The following ARHGAP6 variants were observed in gnomAD, a reference collection of about 807,000 sequenced individuals.
The protein encoded by ARHGAP6 is rho GTPase-activating protein 6.
In ARHGAP6, 16 loss-of-function variants were observed where a neutral mutation model predicts 55.7. That is an observed-to-expected ratio of 0.29 (90% CI 0.19 to 0.44). The LOEUF (loss-of-function observed/expected upper bound fraction) is 0.44. Ranked by LOEUF, ARHGAP6 falls within the 20% of genes least tolerant of loss-of-function variation. The pLI is 1.00. For synonymous variants in ARHGAP6, 382 were observed against 360.9 expected, an observed-to-expected ratio of 1.06 and a Z score of -0.66; for missense variants, 698 against 808.9, an observed-to-expected ratio of 0.86 and a Z score of 1.66.
intron 10 of ARHGAP6, among the ~76,000 whole-genome samples, chrX:11,152,855 C>T (rs2045803094): frequency 8.9e-6 from 1 of 111,977 alleles, no homozygotes; most frequent in Non-Finnish European, 1.9e-5. Flanking sequence ...ATGCAAGAGA[C>T]TTTAAACAAA....
intron 1 of ARHGAP6, among the ~76,000 whole-genome samples, chrX:11,458,677 G>C (rs896009843): frequency 8.9e-6 from 1 of 111,845 alleles, no homozygotes; most frequent in Non-Finnish European, 1.9e-5. Flanking sequence ...TTAGGCCACA[G>C]GTTCCAATTT....
intron 1 of ARHGAP6, among the ~76,000 whole-genome samples, chrX:11,635,702 TTAAA>T (rs1327555040): frequency 9.0e-6 from 1 of 111,482 alleles, no homozygotes; most frequent in African/African-American, 3.3e-5. Context: ...AGAAATCTCT[TTAAA>T]TAACCAGCAT....
chrX:11,201,121 A>G (rs2046613300), intron 2 of ARHGAP6, among the ~76,000 whole-genome samples: 1 of 112,320 alleles, frequency 8.9e-6, no homozygotes, highest in Admixed American at 9.4e-5. Flanking sequence ...AATGAAAGTA[A>G]TAACAAAAGA....
At chrX:11,294,511 G>A (rs955521380) in intron 1 of ARHGAP6, among the ~76,000 whole-genome samples, 3 of 111,845 alleles carry the variant, frequency 2.7e-5, no homozygotes, top group Non-Finnish European at 5.6e-5. Flanking sequence ...GGCATGCAAA[G>A]TCATATGAAG....
rs151146312 is a variant in ARHGAP6 at position 11,393,681 on chromosome X, T to C, written c.589-138974A>G. On this transcript the variant is annotated intron_variant, in intron 1 of 12. Coordinates refer to ENST00000337414, the MANE Select transcript of ARHGAP6 (RefSeq NM_013427.3). ...AATGATTCTCTGAGGTAGTGTGTAG[T>C]ATTATTTCATAATCTAGGAAATCAA... Among the ~76,000 whole-genome samples, 3 of 111,518 alleles carry C rather than the reference T, an allele frequency of 2.7e-5. No individual in the cohort carries two copies. The East Asian group carries it at 8.4e-4, about 31-fold the overall frequency.
chrX:11,430,269 C>T (rs1342064627), intron 1 of ARHGAP6, among the ~76,000 whole-genome samples: 3 of 112,290 alleles, frequency 2.7e-5, no homozygotes, highest in African/African-American at 9.7e-5. Context: ...CTCCATCAGC[C>T]CCACACTGTG....
intron 1 of ARHGAP6, among the ~76,000 whole-genome samples, chrX:11,531,850 A>G (rs755189202): frequency 2.7e-5 from 3 of 112,601 alleles, no homozygotes; most frequent in Non-Finnish European, 5.6e-5. Flanking sequence ...TTATTAGCTC[A>G]GTACACTTAT....
chrX:11,216,566 T>C (rs1174205888), intron 2 of ARHGAP6, among the ~76,000 whole-genome samples: 1 of 111,957 alleles, frequency 8.9e-6, no homozygotes, highest in African/African-American at 3.2e-5. Context: ...GGCATGAGAA[T>C]TGCTTGAATC....
At chrX:11,154,744 A>G (rs1408748698) in intron 10 of ARHGAP6, among the ~76,000 whole-genome samples, 1 of 112,452 alleles carries the variant, frequency 8.9e-6, no homozygotes, top group Non-Finnish European at 1.9e-5. Flanking sequence ...TGATCTGCTG[A>G]AAAGAAAAGC....
chrX:11,177,195 A>G (rs1464586736), intron 8 of ARHGAP6, among the ~76,000 whole-genome samples: 1 of 111,408 alleles, frequency 9.0e-6, no homozygotes, highest in Non-Finnish European at 1.9e-5. Context: ...CATGGTATCA[A>G]AGAGGGAAGG....
chrX:11,437,625 G>A (rs374405204), intron 1 of ARHGAP6, among the ~76,000 whole-genome samples: 3 of 112,239 alleles, frequency 2.7e-5, no homozygotes, highest in African/African-American at 9.7e-5. Flanking sequence ...CTGGTCCTGA[G>A]GGAAGCTCTG....
At chrX:11,266,213 CTT>C (rs2047626578) in intron 1 of ARHGAP6, among the ~76,000 whole-genome samples, 1 of 110,456 alleles carries the variant, frequency 9.1e-6, no homozygotes, top group South Asian at 3.9e-4. Context: ...AAAAAATCCT[CTT>C]TTCCACAGGG....
chrX:11,498,148 A>C (rs2050642038), intron 1 of ARHGAP6, among the ~76,000 whole-genome samples: 1 of 111,681 alleles, frequency 9.0e-6, no homozygotes, highest in African/African-American at 3.3e-5. Flanking sequence ...TATTCTCATA[A>C]GGGTATGTTC....
At chrX:11,188,576 T>G (rs2046415168) in intron 4 of ARHGAP6, 152 bp downstream of exon 4, 2 of 816,857 alleles carry the variant, frequency 2.4e-6, no homozygotes, top group African/African-American at 4.2e-5. Context: ...AGGTGCCACG[T>G]GCCCAGTGCA....
In ARHGAP6 at chrX:11,139,325, C is replaced by T. The variant is rs1455351953; in HGVS notation, c.2463G>A (p.Thr821=). 3 of 1,181,798 alleles carry T rather than the reference C, an allele frequency of 2.5e-6. No individual in the cohort carries two copies. The highest frequency in any genetic ancestry group is 1.9e-5 in the South Asian group (1 of 54,031). ...CTTTCCCTGCCACCTGGACGTGGGGCGTGCTGCAGGCGCGCGACACCGCAG... is the reference window on the plus strand; with the variant it reads ...CTTTCCCTGCCACCTGGACGTGGGGTGTGCTGCAGGCGCGCGACACCGCAG... The part of the protein sequence containing the change: ...AHPAVSRACS[T]PHVQVAGKAE... Residue 821 remains threonine (T), a synonymous_variant, in exon 13 of 13, where the codon ACG becomes ACA. Coordinates refer to ENST00000337414, the MANE Select transcript of ARHGAP6 (RefSeq NM_013427.3).
At chrX:11,376,730 T>TA (rs765304849) in intron 1 of ARHGAP6, among the ~76,000 whole-genome samples, 48 of 112,560 alleles carry the variant, frequency 4.3e-4, no homozygotes, top group African/African-American at 1.5e-3. Flanking sequence ...GCACAATTGT[T>TA]AAAATCATGC....
At chrX:11,308,911 T>C (rs1603053584) in intron 1 of ARHGAP6, among the ~76,000 whole-genome samples, 1 of 112,215 alleles carries the variant, frequency 8.9e-6, no homozygotes, top group Non-Finnish European at 1.9e-5. Flanking sequence ...AATAAAAATA[T>C]ACACGTCTTG....
intron 1 of ARHGAP6, among the ~76,000 whole-genome samples, chrX:11,451,665 C>T (rs1316725197): frequency 1.8e-5 from 2 of 111,659 alleles, no homozygotes; most frequent in South Asian, 3.8e-4. Flanking sequence ...TTCTGCACCC[C>T]GCACAGGTGT....
intron 2 of ARHGAP6, among the ~76,000 whole-genome samples, chrX:11,221,942 T>A (rs925392976): frequency 9.0e-6 from 1 of 111,428 alleles, no homozygotes; most frequent in Non-Finnish European, 1.9e-5. Flanking sequence ...CCTGTCCATA[T>A]GTACTCAGAA....
Sources: allele counts gnomAD v4.1 joint callset (sites outside exome capture counted in the v4.1 genomes callset), GRCh38; gene constraint gnomAD v4.1.1; transcripts MANE v1.5; gene names NCBI Gene and HGNC (gene_info 2026-07-23, HGNC 2026-07-21).